AGBL1: variants seen among roughly 807,000 people sequenced by gnomAD.
AGBL1 encodes AGBL carboxypeptidase 1, also known as cytosolic carboxypeptidase 4.
A neutral mutation model predicts 118.9 loss-of-function variants in AGBL1; 130 were observed. The observed-to-expected ratio is 1.09, with a 90% CI of 0.95 to 1.26. AGBL1 has a LOEUF of 1.26. Ranked by LOEUF, AGBL1 falls within the 50% of genes most tolerant of loss-of-function variation. AGBL1 has a pLI of 0.00. For synonymous variants in AGBL1, 555 were observed against 478.9 expected, an observed-to-expected ratio of 1.16 and a Z score of -2.08; for missense variants, 1,584 against 1,298.1, an observed-to-expected ratio of 1.22 and a Z score of -3.38.
rs143665999 is a variant in AGBL1 at position 86,429,254 on chromosome 15, A to G, written c.2555+31708A>G. On this transcript the variant is annotated intron_variant, in intron 18 of 22. Coordinates refer to ENST00000614907, the MANE Select transcript of AGBL1 (RefSeq NM_001386094.1). ...GTATCTCTCAGAACTGGTTTAAAAC[A>G]TGCCAAATGTGGGATCTTGGCCTCT... Among the ~76,000 whole-genome samples the G allele has an allele frequency of 9.6e-4, 147 of 152,336 alleles. 1 individual carries two copies. Among genetic ancestry groups the G allele is most frequent in the African/African-American group, 3.3e-3 (138 of 41,572 alleles).
At chr15:86,352,189 G>A (rs551932389) in intron 17 of AGBL1, among the ~76,000 whole-genome samples, 37 of 152,260 alleles carry the variant, frequency 2.4e-4, no homozygotes, top group Middle Eastern at 3.4e-3. Context: ...ATGAAGGTTC[G>A]GATTGTGGCA....
chr15:86,871,136 A>G (rs2079722137), intron 22 of AGBL1, among the ~76,000 whole-genome samples: 1 of 152,210 alleles, frequency 6.6e-6, no homozygotes, highest in Non-Finnish European at 1.5e-5. Flanking sequence ...ACCAAATCAG[A>G]AAAGCCGTTG....
intron 18 of AGBL1, among the ~76,000 whole-genome samples, chr15:86,522,412 A>G (rs2083201242): frequency 1.3e-5 from 2 of 152,214 alleles, no homozygotes; most frequent in Admixed American, 6.5e-5. Context: ...AACCAGCTGG[A>G]AATATCATAT....
intron 22 of AGBL1, among the ~76,000 whole-genome samples, chr15:86,714,681 G>C (rs372074524): frequency 1.3e-5 from 2 of 152,148 alleles, no homozygotes; most frequent in Non-Finnish European, 2.9e-5. Context: ...GAGTAAAGTC[G>C]TGACCTTGTT....
intron 22 of AGBL1, among the ~76,000 whole-genome samples, chr15:86,902,615 T>A (rs1231321441): frequency 6.6e-6 from 1 of 151,774 alleles, no homozygotes; most frequent in Admixed American, 6.6e-5. Context: ...TATCAAAAAT[T>A]TACTTCCCAT....
At chr15:86,996,108 A>G (rs962188345) in intron 24 of AGBL1, among the ~76,000 whole-genome samples, 2 of 152,174 alleles carry the variant, frequency 1.3e-5, no homozygotes, top group African/African-American at 4.8e-5. Flanking sequence ...CACTCCTCCC[A>G]GCCTCCTAGC....
At chr15:86,535,648 A>G (rs1255986473) in intron 19 of AGBL1, among the ~76,000 whole-genome samples, 1 of 152,140 alleles carries the variant, frequency 6.6e-6, no homozygotes, top group Non-Finnish European at 1.5e-5. Flanking sequence ...GGGTGGGCAT[A>G]TTGTAGTTTT....
chr15:86,174,782 A>G (rs1353747003), intron 5 of AGBL1, among the ~76,000 whole-genome samples: 1 of 152,134 alleles, frequency 6.6e-6, no homozygotes, highest in African/African-American at 2.4e-5. Context: ...CATTCTGTTT[A>G]TATGATATGT....
At chr15:86,142,131 C>T (rs2076971998) in intron 2 of AGBL1, 64 bp downstream of exon 2, 2 of 1,493,528 alleles carry the variant, frequency 1.3e-6, no homozygotes, top group Admixed American at 2.0e-5. Context: ...TGTGATCTCT[C>T]CCAGGCACCT....
intron 18 of AGBL1, among the ~76,000 whole-genome samples, chr15:86,522,231 C>T (rs966191090): frequency 1.3e-5 from 2 of 152,156 alleles, no homozygotes; most frequent in African/African-American, 2.4e-5. Context: ...CTCTGATTCT[C>T]TTGGTAAATG....
chr15:86,662,559 A>C (rs1286812039), intron 21 of AGBL1, among the ~76,000 whole-genome samples: 1 of 152,212 alleles, frequency 6.6e-6, no homozygotes, highest in East Asian at 1.9e-4. Context: ...TACTCAAAGT[A>C]TCTGGTCTAT....
chr15:86,792,099 T>C (rs1485665560), intron 22 of AGBL1, among the ~76,000 whole-genome samples: 1 of 152,180 alleles, frequency 6.6e-6, no homozygotes, highest in African/African-American at 2.4e-5. Context: ...AAGTTTAACA[T>C]TGTATGATTC....
chr15:86,591,819 G>C (rs62012500), intron 21 of AGBL1, among the ~76,000 whole-genome samples: 5,170 of 152,208 alleles, frequency 0.034, 130 homozygotes, highest in East Asian at 0.13. Flanking sequence ...CTCCCTAAAA[G>C]TTAGGAGTGG....
chr15:86,742,021 C>G lies in AGBL1; in HGVS notation c.3158+67585C>G, dbSNP rs146649697. ...TATGAGTGGCTTAAAACCCATGCCA[C>G]GCTAAAGATGATGAAAGGGAAGGGT... On this transcript the variant is annotated intron_variant, in intron 22 of 22. Transcript: ENST00000614907. Among the ~76,000 whole-genome samples, 762 of 151,138 alleles carry G rather than the reference C, an allele frequency of 5.0e-3. 7 individuals carry two copies. Among genetic ancestry groups the G allele is most frequent in the African/African-American group, 0.017 (718 of 41,116 alleles).
intron 1 of AGBL1, chr15:86,088,046 G>C (rs933867405): frequency 6.6e-6 from 1 of 152,446 alleles, no homozygotes; most frequent in Middle Eastern, 3.4e-3. Flanking sequence ...CCATACAGGG[G>C]ATCCCTGTTG....
chr15:86,241,783 T>C (rs1416760050), intron 6 of AGBL1, among the ~76,000 whole-genome samples: 6 of 152,216 alleles, frequency 3.9e-5, no homozygotes, highest in South Asian at 2.1e-4. Context: ...AACTGTAACA[T>C]TGAGTAACTT....
At chr15:86,301,545 G>A (rs1426895503) in intron 17 of AGBL1, among the ~76,000 whole-genome samples, 1 of 151,860 alleles carries the variant, frequency 6.6e-6, no homozygotes, top group Non-Finnish European at 1.5e-5. Flanking sequence ...CTTGTCTTGG[G>A]ATTTCCATCT....
At chr15:86,119,346 T>G (rs375779641) in intron 1 of AGBL1, among the ~76,000 whole-genome samples, 4,804 of 152,216 alleles carry the variant, frequency 0.032, 96 homozygotes, top group African/African-American at 0.037. Context: ...TTGCTTTTTT[T>G]TTTTGGCACA....
At chr15:86,323,597 T>G (rs771569839) in intron 17 of AGBL1, among the ~76,000 whole-genome samples, 1 of 152,208 alleles carries the variant, frequency 6.6e-6, no homozygotes. Flanking sequence ...GTTAAATAAC[T>G]GCCAGTGCAA....
Sources: allele counts gnomAD v4.1 joint callset (sites outside exome capture counted in the v4.1 genomes callset), GRCh38; gene constraint gnomAD v4.1.1; transcripts MANE v1.5; gene names NCBI Gene and HGNC (gene_info 2026-07-23, HGNC 2026-07-21).